NAALADL2: variants seen among roughly 807,000 people sequenced by gnomAD.
NAALADL2 encodes N-acetylated alpha-linked acidic dipeptidase like 2, also known as inactive N-acetylated-alpha-linked acidic dipeptidase-like protein 2.
In NAALADL2, 76 loss-of-function variants were observed where a neutral mutation model predicts 87.2. That is an observed-to-expected ratio of 0.87 (90% CI 0.72 to 1.05). The LOEUF is 1.05. NAALADL2 is among the 50% of genes least tolerant of loss of function. The probability of loss-of-function intolerance (pLI) is 0.00; values close to 1 mark genes in which losing one functional copy is unlikely to be tolerated. For missense variants in NAALADL2, 1,089 were observed against 945.8 expected, an observed-to-expected ratio of 1.15 and a Z score of -1.99; for synonymous variants, 354 against 331.0, an observed-to-expected ratio of 1.07 and a Z score of -0.75.
At chr3:174,545,861 T>A (rs1486748656) in intron 1 of NAALADL2, among the ~76,000 whole-genome samples, 6 of 151,092 alleles carry the variant, frequency 4.0e-5, no homozygotes, top group African/African-American at 1.5e-4. Flanking sequence ...TTTTAGGAAA[T>A]CTTTATTCTG....
chr3:175,220,183 T>TTTTC (rs80043691), intron 2 of NAALADL2, among the ~76,000 whole-genome samples: 26,205 of 151,418 alleles, frequency 0.17, 2,637 homozygotes, highest in Admixed American at 0.28. Context: ...TGATGATAAT[T>TTTTC]TTTCTTGTAA....
chr3:175,572,465 GA>G (rs1235545235), intron 9 of NAALADL2, among the ~76,000 whole-genome samples: 1 of 151,792 alleles, frequency 6.6e-6, no homozygotes, highest in East Asian at 1.9e-4. Flanking sequence ...AACCTTTAGG[GA>G]AAAAATTAGA....
intron 2 of NAALADL2, among the ~76,000 whole-genome samples, chr3:174,580,194 A>G (rs1716004559): frequency 6.6e-6 from 1 of 152,086 alleles, no homozygotes; most frequent in African/African-American, 2.4e-5. Flanking sequence ...TTGACATAAA[A>G]CATTTTATGA....
At chr3:175,100,510 G>C (rs899609865) in intron 2 of NAALADL2, among the ~76,000 whole-genome samples, 2 of 152,126 alleles carry the variant, frequency 1.3e-5, no homozygotes, top group Non-Finnish European at 1.5e-5. Flanking sequence ...CCATATCTAA[G>C]TGATAAGAGA....
chr3:174,759,799 C>G (rs1331563997), intron 3 of NAALADL2, among the ~76,000 whole-genome samples: 2 of 151,818 alleles, frequency 1.3e-5, no homozygotes, highest in African/African-American at 4.8e-5. Flanking sequence ...CTTCCAGGTT[C>G]AAGTGATTCT....
At chr3:175,604,976 C>A (rs141088645) in intron 10 of NAALADL2, among the ~76,000 whole-genome samples, 1 of 152,168 alleles carries the variant, frequency 6.6e-6, no homozygotes, top group Non-Finnish European at 1.5e-5. Flanking sequence ...ATGGCTTAGA[C>A]GGTATCACAG....
intron 9 of NAALADL2, among the ~76,000 whole-genome samples, chr3:175,546,025 G>C (rs912742647): frequency 6.6e-6 from 1 of 152,072 alleles, no homozygotes; most frequent in Non-Finnish European, 1.5e-5. Context: ...AGATGTAATA[G>C]AGTACAATAC....
chr3:175,212,672 G>T (rs1373294878), intron 2 of NAALADL2, among the ~76,000 whole-genome samples: 2 of 145,768 alleles, frequency 1.4e-5, no homozygotes, highest in African/African-American at 2.6e-5. Flanking sequence ...TGTTTTCCTT[G>T]TTCTCTTAAC....
intron 5 of NAALADL2, among the ~76,000 whole-genome samples, chr3:175,350,410 G>T (rs112131697): frequency 3.3e-5 from 5 of 152,228 alleles, no homozygotes; most frequent in African/African-American, 1.2e-4. Flanking sequence ...TTTTTCTTCC[G>T]TTCATACTGC....
intron 2 of NAALADL2, among the ~76,000 whole-genome samples, chr3:174,584,156 G>T (rs1219015406): frequency 2.0e-5 from 3 of 152,142 alleles, no homozygotes; most frequent in Non-Finnish European, 4.4e-5. Context: ...GAGAAAGAAT[G>T]ACTGGTAAAG....
At chr3:174,984,901 C>T (rs1475043379) in intron 1 of NAALADL2, among the ~76,000 whole-genome samples, 1 of 148,290 alleles carries the variant, frequency 6.7e-6, no homozygotes, top group African/African-American at 2.6e-5. Context: ...TTGCCTGTAC[C>T]TCTAACCCAT....
intron 1 of NAALADL2, among the ~76,000 whole-genome samples, chr3:175,075,917 T>C (rs1199482407): frequency 6.6e-6 from 1 of 152,142 alleles, no homozygotes; most frequent in Non-Finnish European, 1.5e-5. Flanking sequence ...AGGTGCTCAC[T>C]ACTGTGTATA....
At chr3:175,635,290 C>T (rs1728358572) in intron 11 of NAALADL2, among the ~76,000 whole-genome samples, 1 of 151,894 alleles carries the variant, frequency 6.6e-6, no homozygotes, top group Non-Finnish European at 1.5e-5. Flanking sequence ...AAATTTGACT[C>T]AATTTTTAAA....
chr3:175,279,585 A>G (rs1754008227), intron 4 of NAALADL2, among the ~76,000 whole-genome samples: 1 of 151,988 alleles, frequency 6.6e-6, no homozygotes. Flanking sequence ...TGTCTCTTTA[A>G]AACCACATAC....
intron 2 of NAALADL2, among the ~76,000 whole-genome samples, chr3:174,622,815 C>T (rs552730300): frequency 1.1e-4 from 17 of 151,998 alleles, no homozygotes; most frequent in South Asian, 8.3e-4. Context: ...CCGAGGCGGG[C>T]GAATCACGAG....
intron 3 of NAALADL2, among the ~76,000 whole-genome samples, chr3:174,835,026 T>A (rs926573622): frequency 6.8e-6 from 1 of 146,914 alleles, no homozygotes; most frequent in Non-Finnish European, 1.5e-5. Flanking sequence ...ATTTGGAAAC[T>A]TACACTTTCT....
At chr3:174,599,750 G>C (rs1204315938) in intron 2 of NAALADL2, among the ~76,000 whole-genome samples, 1 of 151,928 alleles carries the variant, frequency 6.6e-6, no homozygotes, top group Non-Finnish European at 1.5e-5. Flanking sequence ...TTCCCCTGCC[G>C]TAAAACAGAA....
intron 3 of NAALADL2, among the ~76,000 whole-genome samples, chr3:174,800,155 T>TCAAACTGGCTGCAGAAATTTG (rs1303643433): frequency 3.3e-5 from 5 of 152,028 alleles, no homozygotes; most frequent in African/African-American, 1.2e-4. Context: ...GATGAGAAAT[T>TCAAACTGGCTGCAGAAATTTG]CAAACTGGCT....
chr3:174,984,974 A>G (rs1186375703), intron 1 of NAALADL2, among the ~76,000 whole-genome samples: 1 of 152,204 alleles, frequency 6.6e-6, no homozygotes, highest in African/African-American at 2.4e-5. Flanking sequence ...TTTTGGTAAG[A>G]TGTTAGAAAC....
Sources: allele counts gnomAD v4.1 joint callset (sites outside exome capture counted in the v4.1 genomes callset), GRCh38; gene constraint gnomAD v4.1.1; transcripts MANE v1.5; gene names NCBI Gene and HGNC (gene_info 2026-07-23, HGNC 2026-07-21).